The following LRRC8E variants were observed in gnomAD, a reference collection of about 807,000 sequenced individuals.
The protein encoded by LRRC8E is leucine rich repeat containing 8 VRAC subunit E.
A neutral mutation model predicts 6.1 loss-of-function variants in LRRC8E; 6 were observed. The ratio of observed to expected loss-of-function variants is 0.98; its 90% CI spans 0.54 to 1.93. LRRC8E has a LOEUF of 1.93. Ranked by LOEUF, LRRC8E falls within the 30% of genes most tolerant of loss-of-function variation. The probability of loss-of-function intolerance (pLI) is 0.01; values close to 1 mark genes in which losing one functional copy is unlikely to be tolerated. For missense variants in LRRC8E, 1,028 were observed against 1,031.4 expected (o/e 1.00, Z 0.04); for synonymous variants, 485 against 472.8 (o/e 1.03, Z -0.33).
intron 2 of LRRC8E, among the ~76,000 whole-genome samples, chr19:7,897,383 A>G (rs1981652786): frequency 6.6e-6 from 1 of 151,550 alleles, no homozygotes; most frequent in South Asian, 2.1e-4. Flanking sequence ...TATGTTGGCC[A>G]GGCTGGTCTT....
intron 1 of LRRC8E, among the ~76,000 whole-genome samples, chr19:7,891,816 G>T (rs980070806): frequency 1.3e-5 from 2 of 152,028 alleles, no homozygotes; most frequent in Non-Finnish European, 2.9e-5. Context: ...CACCATGTTG[G>T]CCAGGCTGGT....
rs369072851 is a variant in LRRC8E, at chr19:7,898,855, G to C, written c.333G>C (p.Leu111=). ...FINQLCYETA[L]HWYAKYFPYL... ...ACCAGCTGTGTTATGAGACGGCCCT[G>C]CACTGGTATGCCAAGTACTTCCCTT... is the stretch of plus-strand genomic sequence containing the variant. Residue 111 remains leucine, a synonymous_variant, in exon 3 of 3, where the codon CTG becomes CTC. Transcript: ENST00000306708. The C allele has an allele frequency of 3.3e-5, 54 of 1,614,108 alleles. No homozygotes were observed. The highest frequency in any genetic ancestry group is 4.2e-5 in the Non-Finnish European group (49 of 1,180,050).
At chr19:7,897,790 A>G (rs978062300) in intron 2 of LRRC8E, among the ~76,000 whole-genome samples, 1 of 151,942 alleles carries the variant, frequency 6.6e-6, no homozygotes, top group African/African-American at 2.4e-5. Flanking sequence ...TACCTCTGCA[A>G]AGACCCTATT....
rs1429324466 is a variant in LRRC8E, at chr19:7,899,103, G to A, written c.581G>A (p.Gly194Glu). The change falls in exon 3 of 3, where the codon GGG becomes GAG. Residue 194 changes from glycine (G) to glutamate (E), a missense_variant. Gly to Glu is a moderately conservative substitution (Grantham distance 98). Coordinates refer to ENST00000306708, the MANE Select transcript of LRRC8E (RefSeq NM_025061.6). Reference protein sequence around the residue: ...AATIVAMAGTGPGKAGEGEKE... With the variant: ...AATIVAMAGTEPGKAGEGEKE... ...ACCATAGTGGCCATGGCAGGGACCG[G>A]GCCGGGGAAGGCAGGGGAGGGTGAG... is the stretch of plus-strand genomic sequence containing the variant. 3 of 1,613,026 alleles carry A rather than the reference G, an allele frequency of 1.9e-6. No individual in the cohort carries two copies. Among genetic ancestry groups the A allele is most frequent in the Non-Finnish European group, 2.5e-6 (3 of 1,179,358 alleles).
In LRRC8E at chr19:7,900,055, G is replaced by A. The variant is rs771095370; in HGVS notation, c.1533G>A (p.Glu511=). ...TGTTTGGGCTGCGGGGCTTGGAGGA[G>A]CTGCACCTGGAGGGGCTTTTCCCCC... ...LWVFGLRGLE[E]LHLEGLFPQE... is the part of the protein sequence containing the mutation. Residue 511 remains glutamate, a synonymous_variant, in exon 3 of 3, where the codon GAG becomes GAA. Coordinates refer to ENST00000306708, the MANE Select transcript of LRRC8E (RefSeq NM_025061.6). The surrounding 1 kb of genome is among the most constrained non-coding windows in gnomAD (Gnocchi z 5.0). 9.9e-6 allele frequency: 16 copies of A among 1,611,242 alleles called. No homozygotes were observed. Among genetic ancestry groups the A allele is most frequent in the Non-Finnish European group, 1.4e-5 (16 of 1,179,568 alleles).
Position 7,895,823 on chromosome 19 carries a change from C to A in LRRC8E, c.138+82C>A. 6.5e-7 allele frequency: 1 copy of A among 1,542,930 alleles called. No individual in the cohort carries two copies. Among genetic ancestry groups the A allele is most frequent in the Non-Finnish European group, 8.8e-7 (1 of 1,130,534 alleles). On this transcript the variant is annotated intron_variant, in intron 2 of 2. Transcript: ENST00000306708. The surrounding 1 kb of genome is among the most constrained non-coding windows in gnomAD (Gnocchi z 4.7). ...GAAGTCGGGAAGCCTTCTCATCACCCAAGAAAGAGAGGAAACTGAAGACAG... is the reference window on the plus strand; with the variant it reads ...GAAGTCGGGAAGCCTTCTCATCACCAAAGAAAGAGAGGAAACTGAAGACAG...
Position 7,900,997 on chromosome 19 carries a change from C to A in LRRC8E, c.*84C>A. 6.6e-6 allele frequency: 6 copies of A among 906,570 alleles called. No individual in the cohort carries two copies. The highest frequency in any genetic ancestry group is 1.8e-5 in the South Asian group (1 of 55,904). The allele number at this position is 906,570 out of a possible 1,614,324, so 56.2% of individuals were successfully genotyped here. On this transcript the variant is annotated 3_prime_UTR_variant, in exon 3 of 3. Transcript: ENST00000306708. This position sits in a 1 kb window ranked among gnomAD's most constrained non-coding sequence, Gnocchi z 5.0. ...ACCATTGTCTTCCAAGATAGGAAGC[C>A]AAGTGGGTCCAGGCCAGGAGATGGG...
chr19:7,898,772 C>T lies in LRRC8E; in HGVS notation c.250C>T (p.Leu84=), dbSNP rs778090251. Residue 84 remains leucine, a synonymous_variant, in exon 3 of 3, where the codon CTG becomes TTG. Coordinates refer to ENST00000306708, the MANE Select transcript of LRRC8E (RefSeq NM_025061.6). ...PRGIPEQIGA[L]QEVKGLKNNL... ...GGGGATCCCTGAGCAGATTGGGGCCCTGCAGGAGGTTAAAGGCCTTAAGAA... is the reference window on the plus strand; with the variant it reads ...GGGGATCCCTGAGCAGATTGGGGCCTTGCAGGAGGTTAAAGGCCTTAAGAA... 1.2e-5 allele frequency: 20 copies of T among 1,614,166 alleles called. No individual in the cohort carries two copies. Among genetic ancestry groups the T allele is most frequent in the Non-Finnish European group, 1.5e-5 (18 of 1,180,026 alleles).
chr19:7,892,544 G>A (rs1981370523), intron 1 of LRRC8E, among the ~76,000 whole-genome samples: 1 of 152,156 alleles, frequency 6.6e-6, no homozygotes, highest in Non-Finnish European at 1.5e-5. Context: ...ACTGAGCAGT[G>A]TCCCTGCAGG....
chr19:7,898,585 C>CTGACCTAAAGTGATCCACTCGCCT, intron 2 of LRRC8E, 76 bp from the exon 3 acceptor site: 1 of 1,341,510 alleles, frequency 7.5e-7, no homozygotes, highest in Admixed American at 2.2e-5. Context: ...TCTCGAACTC[C>CTGACCTAAAGTGATCCACTCGCCT]TGACCTAAAG....
Position 7,900,438 on chromosome 19 carries a change from A to C in LRRC8E, c.1916A>C (p.His639Pro). The C allele has an allele frequency of 1.2e-6, 2 of 1,612,968 alleles. No homozygotes were observed. The highest frequency in any genetic ancestry group is 1.7e-6 in the Non-Finnish European group (2 of 1,179,966). ...AAGCTGGTCACGCTCAGGCTGTGGCACAACCAGATCGCCTACGTCCCTGAG... is the reference window on the plus strand; with the variant it reads ...AAGCTGGTCACGCTCAGGCTGTGGCCCAACCAGATCGCCTACGTCCCTGAG... ...CRKLVTLRLWHNQIAYVPEHV... is the reference protein window; with the variant it reads ...CRKLVTLRLWPNQIAYVPEHV... The change falls in exon 3 of 3, where the codon CAC (histidine) becomes CCC (proline). Residue 639 changes from histidine to proline, a missense_variant. His to Pro is a moderately conservative substitution (Grantham distance 77). Coordinates refer to ENST00000306708, the MANE Select transcript of LRRC8E (RefSeq NM_025061.6). The surrounding 1 kb of genome is among the most constrained non-coding windows in gnomAD (Gnocchi z 5.0).
At position 7,895,296 on chromosome 19, in the gene LRRC8E, G is replaced by A; in HGVS notation, c.-5-303G>A. On this transcript the variant is annotated intron_variant, in intron 1 of 2. Coordinates refer to ENST00000306708, the MANE Select transcript of LRRC8E (RefSeq NM_025061.6). This position sits in a 1 kb window ranked among gnomAD's most constrained non-coding sequence, Gnocchi z 4.7. ...GGGGAGGGGGCCACCCGAGGAGGCT[G>A]GAGGGCGGCGGCCCTGTGGACTATC... 1 of 290,910 alleles carries A rather than the reference G, an allele frequency of 3.4e-6. No individual in the cohort carries two copies. 18.0% of individuals were successfully genotyped at this position (290,910 alleles called of 1,614,324 possible). A position where few individuals can be genotyped will look rare whatever the true frequency, so the allele number is the denominator to read the frequency against.
rs1365056052 is a variant in LRRC8E at position 7,900,837 on chromosome 19, A to C, written c.2315A>C (p.Lys772Thr). The change falls in exon 3 of 3, where the codon AAG becomes ACG. Residue 772 changes from lysine (K) to threonine (T), a missense_variant. Transcript: ENST00000306708. The surrounding 1 kb of genome is among the most constrained non-coding windows in gnomAD (Gnocchi z 5.0). Reference sequence around the variant, plus strand: ...CTTGGCAACTGTGGGGGGCTCAAGAAGGCGGGGCTCCTGGTGGAAGACACG... The same window carrying C: ...CTTGGCAACTGTGGGGGGCTCAAGACGGCGGGGCTCCTGGTGGAAGACACG... ...EELGNCGGLKKAGLLVEDTLY... is the reference protein window; with the variant it reads ...EELGNCGGLKTAGLLVEDTLY... 6.4e-7 allele frequency: 1 copy of C among 1,571,506 alleles called. No homozygotes were observed. The highest frequency in any genetic ancestry group is 8.6e-7 in the Non-Finnish European group (1 of 1,159,674).
Position 7,899,605 on chromosome 19 carries a change from T to C in LRRC8E, c.1083T>C (p.Asn361=). 6.2e-7 allele frequency: 1 copy of C among 1,613,798 alleles called. No individual in the cohort carries two copies. Among genetic ancestry groups the C allele is most frequent in the Non-Finnish European group, 8.5e-7 (1 of 1,180,024 alleles). ...TGGGGGACATTCCTGACGTCAAGAA[T>C]GACTTCGCCTTCATGCTGCACCTCA... ...TGMGDIPDVK[N]DFAFMLHLID... The change falls in exon 3 of 3, where the codon AAT becomes AAC. Residue 361 remains asparagine, a synonymous_variant. Transcript: ENST00000306708.
At position 7,890,797 on chromosome 19, in the gene LRRC8E, AAG is replaced by A. The variant is rs1433784370; in HGVS notation, c.-6+2201_-6+2202del. On this transcript the variant is annotated intron_variant, in intron 1 of 2. Coordinates refer to ENST00000306708, the MANE Select transcript of LRRC8E (RefSeq NM_025061.6). ...GAGTGAGACTCTGTCTCAAAAAAAA[AAG>A]AGATTCTCCTGCTTCAGCTTCCCCA... 2.6e-5 allele frequency among the ~76,000 whole-genome samples: 4 copies of A among 152,174 alleles called. No homozygotes were observed. In the South Asian group the frequency reaches 6.2e-4, roughly 24 times the overall value.
At chr19:7,898,428 C>T (rs1599608229) in intron 2 of LRRC8E, among the ~76,000 whole-genome samples, 3 of 152,148 alleles carry the variant, frequency 2.0e-5, no homozygotes, top group Non-Finnish European at 2.9e-5. Flanking sequence ...GGCGCGATCT[C>T]GGCTCACTGC....
At chr19:7,889,411 C>T (rs1358417224) in intron 1 of LRRC8E, among the ~76,000 whole-genome samples, 1 of 150,034 alleles carries the variant, frequency 6.7e-6, no homozygotes, top group Non-Finnish European at 1.5e-5. Context: ...CACTGCACTC[C>T]AGCCTGGGCA....
At chr19:7,891,547 TTGTGTGTGTG>T in intron 1 of LRRC8E, among the ~76,000 whole-genome samples, 1 of 91,686 alleles carries the variant, frequency 1.1e-5, no homozygotes, top group East Asian at 3.9e-4. Flanking sequence ...GTGTGTGTGT[TTGTGTGTGTG>T]TGTGTGTGTT....
intron 2 of LRRC8E, among the ~76,000 whole-genome samples, chr19:7,896,264 T>C (rs1027756427): frequency 7.9e-5 from 12 of 151,264 alleles, no homozygotes; most frequent in African/African-American, 2.9e-4. Context: ...CTTTTTTTTT[T>C]TTTTCTTTTT....
Sources: gnomAD v4.1 joint callset for allele counts (sites outside exome capture counted in the v4.1 genomes callset) on GRCh38, gnomAD v4.1.1 for gene constraint, Gnocchi (gnomAD v3.1) non-coding constraint, MANE v1.5 for transcripts, NCBI Gene and HGNC (gene_info 2026-07-23, HGNC 2026-07-21) for gene names.